Variants in GABRB3 observed in about 807,000 individuals in gnomAD.
The protein encoded by GABRB3 is gamma-aminobutyric acid receptor subunit beta-3.
A neutral mutation model predicts 52.1 loss-of-function variants in GABRB3; 14 were observed. That is an observed-to-expected ratio of 0.27 (90% confidence interval 0.18 to 0.42). The LOEUF (loss-of-function observed/expected upper bound fraction) is 0.42. Ranked by LOEUF, GABRB3 falls within the 10% of genes least tolerant of loss-of-function variation. GABRB3 has a pLI of 1.00. For missense variants in GABRB3, 307 were observed against 609.1 expected, an observed-to-expected ratio of 0.50 and a Z score of 5.22; for synonymous variants, 260 against 232.3, an observed-to-expected ratio of 1.12 and a Z score of -1.08.
At chr15:26,751,999 T>C (rs1200106464) in intron 3 of GABRB3, among the ~76,000 whole-genome samples, 7 of 152,100 alleles carry the variant, frequency 4.6e-5, no homozygotes, top group African/African-American at 1.7e-4. Context: ...AAGAAATAAA[T>C]TGTTCTATAT....
intron 7 of GABRB3, among the ~76,000 whole-genome samples, chr15:26,566,171 A>C (rs1379381781): frequency 6.6e-6 from 1 of 152,148 alleles, no homozygotes; most frequent in African/African-American, 2.4e-5. Context: ...TACCTATTAG[A>C]AATACATAAC....
intron 8 of GABRB3, among the ~76,000 whole-genome samples, chr15:26,558,102 G>A (rs539166822): frequency 1.3e-5 from 2 of 152,288 alleles, no homozygotes; most frequent in East Asian, 3.9e-4. Context: ...ATGATGTGAT[G>A]AATTCTAGTT....
intron 3 of GABRB3, among the ~76,000 whole-genome samples, chr15:26,652,187 AGAAATCTCT>A (rs1296423699): frequency 6.6e-6 from 1 of 152,224 alleles, no homozygotes; most frequent in Non-Finnish European, 1.5e-5. Flanking sequence ...CTGTCAACTA[AGAAATCTCT>A]AAAACCCACC....
intron 8 of GABRB3, among the ~76,000 whole-genome samples, chr15:26,549,664 A>C (rs541130448): frequency 3.3e-5 from 5 of 152,262 alleles, no homozygotes; most frequent in African/African-American, 1.2e-4. Flanking sequence ...TACAACCATG[A>C]GTGGAACCTA....
chr15:26,722,906 C>CT (rs1308418096), intron 3 of GABRB3, among the ~76,000 whole-genome samples: 1 of 152,194 alleles, frequency 6.6e-6, no homozygotes, highest in African/African-American at 2.4e-5. Context: ...CTGCCCACTG[C>CT]TTTGCCTCAG....
At chr15:26,682,828 C>G (rs749796133) in intron 3 of GABRB3, among the ~76,000 whole-genome samples, 1 of 152,222 alleles carries the variant, frequency 6.6e-6, no homozygotes, top group Non-Finnish European at 1.5e-5. Flanking sequence ...TCAGGGCCAT[C>G]ACTACCCTGC....
intron 4 of GABRB3, chr15:26,611,876 C>T (rs184924165): frequency 6.6e-6 from 1 of 152,230 alleles, no homozygotes; most frequent in East Asian, 1.9e-4. Context: ...TTGACAATTC[C>T]TTTTTAATAG....
rs915627943 is a variant in GABRB3 at position 26,703,312 on chromosome 15, A to G, written c.240+69090T>C. On this transcript the variant is annotated intron_variant, in intron 3 of 8. Transcript: ENST00000311550. ...GTGGAAGGCAGAAAGGCAACAGAAA[A>G]CCAATCCCTCAGTCAAGACCGTTTG... Among the ~76,000 whole-genome samples, 8 of 152,096 alleles carry G rather than the reference A, an allele frequency of 5.3e-5. 1 individual carries two copies. The highest frequency in any genetic ancestry group is 3.2e-3 in the Middle Eastern group (1 of 316).
chr15:26,770,292 G>A (rs900257568), intron 3 of GABRB3, among the ~76,000 whole-genome samples: 2 of 152,124 alleles, frequency 1.3e-5, no homozygotes, highest in African/African-American at 4.8e-5. Flanking sequence ...TGTGTTTACA[G>A]AGCCAGAAAA....
chr15:26,704,592 C>A (rs746683341), intron 3 of GABRB3, among the ~76,000 whole-genome samples: 4 of 148,448 alleles, frequency 2.7e-5, no homozygotes, highest in Admixed American at 6.9e-5. Flanking sequence ...TTAAATATTT[C>A]TCTCTTCTCA....
chr15:26,648,435 A>G (rs1887081530), intron 3 of GABRB3, among the ~76,000 whole-genome samples: 1 of 152,176 alleles, frequency 6.6e-6, no homozygotes, highest in Non-Finnish European at 1.5e-5. Flanking sequence ...TGTGGAAGAG[A>G]AGCTCTAAAG....
chr15:26,652,412 T>C (rs912582550), intron 3 of GABRB3, among the ~76,000 whole-genome samples: 3 of 152,212 alleles, frequency 2.0e-5, no homozygotes, highest in Admixed American at 2.0e-4. Flanking sequence ...AAATGTATTT[T>C]GGCAGAATTT....
intron 3 of GABRB3, among the ~76,000 whole-genome samples, chr15:26,642,859 G>A (rs1338491699): frequency 2.0e-5 from 3 of 152,056 alleles, no homozygotes; most frequent in African/African-American, 7.3e-5. Flanking sequence ...GCCTCACCAA[G>A]TTTATAAAAG....
chr15:26,725,389 G>C (rs1889743753), intron 3 of GABRB3, among the ~76,000 whole-genome samples: 1 of 152,062 alleles, frequency 6.6e-6, no homozygotes, highest in Admixed American at 6.5e-5. Context: ...ATCTAAGAAG[G>C]CTGGGGAGGA....
chr15:26,645,024 G>A (rs2140578775), intron 3 of GABRB3, among the ~76,000 whole-genome samples: 1 of 152,306 alleles, frequency 6.6e-6, no homozygotes, highest in South Asian at 2.1e-4. Context: ...AAGAAGGAAG[G>A]ATTGCTTGAG....
intron 7 of GABRB3, among the ~76,000 whole-genome samples, chr15:26,564,065 A>ATCCAAAATCTGAAATGT (rs2140686715): frequency 6.6e-6 from 1 of 152,268 alleles, no homozygotes; most frequent in East Asian, 1.9e-4. Flanking sequence ...TAACCTAAAA[A>ATCCAAAATCTGAAATGT]TCCAAAATCT....
At chr15:26,650,829 A>T (rs1444697117) in intron 3 of GABRB3, among the ~76,000 whole-genome samples, 1 of 152,014 alleles carries the variant, frequency 6.6e-6, no homozygotes, top group African/African-American at 2.4e-5. Flanking sequence ...GTAGATGGGG[A>T]GATGGTTGGA....
At chr15:26,717,920 T>A (rs530449122) in intron 3 of GABRB3, among the ~76,000 whole-genome samples, 1 of 152,354 alleles carries the variant, frequency 6.6e-6, no homozygotes, top group South Asian at 2.1e-4. Context: ...TATCCTCTGT[T>A]AATCATTTTA....
chr15:26,697,511 C>G (rs938868264), intron 3 of GABRB3, among the ~76,000 whole-genome samples: 5 of 152,076 alleles, frequency 3.3e-5, no homozygotes, highest in African/African-American at 1.2e-4. Context: ...TCCACCCTGG[C>G]ACACTCTCTC....
Sources: allele counts gnomAD v4.1 joint callset (sites outside exome capture counted in the v4.1 genomes callset), GRCh38; gene constraint gnomAD v4.1.1; transcripts MANE v1.5; gene names NCBI Gene and HGNC (gene_info 2026-07-23, HGNC 2026-07-21).